Variants in NRG3 observed in about 807,000 individuals in gnomAD.
NRG3 encodes pro-neuregulin-3, membrane-bound isoform.
A neutral mutation model predicts 66.9 loss-of-function variants in NRG3; 31 were observed. That is an observed-to-expected ratio of 0.46 (90% CI 0.35 to 0.63). The LOEUF (loss-of-function observed/expected upper bound fraction) is 0.63, where lower values mean the gene tolerates loss of function less well. Among genes scored for constraint, NRG3 ranks in the 20% least tolerant of loss-of-function variants. NRG3 has a pLI of 0.00. For missense variants in NRG3, 910 were observed against 878.9 expected (o/e 1.04, Z -0.45); for synonymous variants, 393 against 359.4 (o/e 1.09, Z -1.06).
At chr10:82,015,293 T>G (rs1284524667) in intron 1 of NRG3, among the ~76,000 whole-genome samples, 2 of 152,208 alleles carry the variant, frequency 1.3e-5, no homozygotes, top group Non-Finnish European at 2.9e-5. Flanking sequence ...ACATGTAATG[T>G]ATTTGAAGAT....
At chr10:82,574,219 C>A (rs1215863356) in intron 2 of NRG3, among the ~76,000 whole-genome samples, 1 of 151,566 alleles carries the variant, frequency 6.6e-6, no homozygotes, top group Non-Finnish European at 1.5e-5. Flanking sequence ...AAAAAATGAA[C>A]CATATCATTT....
intron 2 of NRG3, among the ~76,000 whole-genome samples, chr10:82,560,161 T>C (rs1680271559): frequency 6.6e-6 from 1 of 151,822 alleles, no homozygotes; most frequent in Non-Finnish European, 1.5e-5. Flanking sequence ...TAAAAATGTG[T>C]TAATATATCA....
At chr10:81,933,107 C>CAAA (rs769607380) in intron 1 of NRG3, among the ~76,000 whole-genome samples, 4 of 59,512 alleles carry the variant, frequency 6.7e-5, no homozygotes, top group Non-Finnish European at 7.7e-5. Flanking sequence ...CGCTCCATCT[C>CAAA]AAAAAAAAAA....
rs898518185 is a variant in NRG3 at position 82,401,178 on chromosome 10, A to G, written c.953+42310A>G. Among the ~76,000 whole-genome samples the G allele has an allele frequency of 2.0e-5, 3 of 152,162 alleles. No individual in the cohort carries two copies. In the East Asian group the frequency reaches 5.8e-4, roughly 29 times the overall value. On this transcript the variant is annotated intron_variant, in intron 2 of 8. Coordinates refer to ENST00000372141, the MANE Select transcript of NRG3 (RefSeq NM_001010848.4). ...CAAAAAGAGGTGTCTGGTAAGCTAAACCTAGAAGACTGAAGAAGATTTTAC... is the reference window on the plus strand; with the variant it reads ...CAAAAAGAGGTGTCTGGTAAGCTAAGCCTAGAAGACTGAAGAAGATTTTAC...
At chr10:82,743,200 T>C (rs1389388518) in intron 3 of NRG3, among the ~76,000 whole-genome samples, 1 of 152,034 alleles carries the variant, frequency 6.6e-6, no homozygotes, top group Non-Finnish European at 1.5e-5. Context: ...TGGCAAGCAG[T>C]GTATACAGCT....
chr10:82,851,860 T>C (rs1342075324), intron 3 of NRG3, among the ~76,000 whole-genome samples: 2 of 152,164 alleles, frequency 1.3e-5, no homozygotes, highest in Admixed American at 1.3e-4. Context: ...TTGGAGAAGA[T>C]GGGCAAGCAA....
intron 1 of NRG3, among the ~76,000 whole-genome samples, chr10:82,352,233 A>C (rs1304669852): frequency 6.6e-6 from 1 of 152,230 alleles, no homozygotes; most frequent in Non-Finnish European, 1.5e-5. Context: ...ATACACAGAT[A>C]TATAACATGT....
chr10:82,291,165 C>T (rs909809894), intron 1 of NRG3, among the ~76,000 whole-genome samples: 1 of 151,936 alleles, frequency 6.6e-6, no homozygotes, highest in East Asian at 1.9e-4. Flanking sequence ...AACACACACA[C>T]ACACACACGC....
chr10:82,467,445 A>G (rs1282480550), intron 2 of NRG3, among the ~76,000 whole-genome samples: 1 of 152,166 alleles, frequency 6.6e-6, no homozygotes, highest in South Asian at 2.1e-4. Flanking sequence ...TAAAAATGGG[A>G]TATGTTTTCC....
intron 1 of NRG3, among the ~76,000 whole-genome samples, chr10:82,136,915 G>C (rs1012054694): frequency 1.3e-5 from 2 of 152,156 alleles, no homozygotes; most frequent in Admixed American, 6.5e-5. Flanking sequence ...TTCATACCAC[G>C]TGGCTGCTGC....
chr10:82,366,801 T>C (rs1035885233), intron 2 of NRG3, among the ~76,000 whole-genome samples: 2 of 152,236 alleles, frequency 1.3e-5, no homozygotes, highest in Non-Finnish European at 2.9e-5. Flanking sequence ...TACTTTTTTC[T>C]TAATTCTTTC....
At chr10:82,256,161 A>T (rs1033670381) in intron 1 of NRG3, among the ~76,000 whole-genome samples, 5 of 152,086 alleles carry the variant, frequency 3.3e-5, no homozygotes, top group African/African-American at 1.2e-4. Context: ...TGACCTCGTG[A>T]TCCACCTGCC....
chr10:82,121,762 G>A (rs548012045), intron 1 of NRG3, among the ~76,000 whole-genome samples: 1 of 152,222 alleles, frequency 6.6e-6, no homozygotes, highest in East Asian at 1.9e-4. Flanking sequence ...TCCCACCTCA[G>A]CCTCCAGAGT....
At chr10:82,393,480 A>T (rs756428824) in intron 2 of NRG3, among the ~76,000 whole-genome samples, 1 of 152,226 alleles carries the variant, frequency 6.6e-6, no homozygotes, top group Non-Finnish European at 1.5e-5. Flanking sequence ...TCCTGGAAAG[A>T]GAACAACAGA....
chr10:82,406,821 G>A lies in NRG3; in HGVS notation c.953+47953G>A, dbSNP rs147898272. On this transcript the variant is annotated intron_variant, in intron 2 of 8. Coordinates refer to ENST00000372141, the MANE Select transcript of NRG3 (RefSeq NM_001010848.4). Reference sequence around the variant, plus strand: ...TCTTTTGTACATTGAGACAGGTACCGTTTTCCTCTATCCAAAGACAAAATT... The same window carrying A: ...TCTTTTGTACATTGAGACAGGTACCATTTTCCTCTATCCAAAGACAAAATT... Among the ~76,000 whole-genome samples, 691 of 152,076 alleles carry A rather than the reference G, an allele frequency of 4.5e-3. 5 individuals carry two copies. Among genetic ancestry groups the A allele is most frequent in the African/African-American group, 0.016 (663 of 41,498 alleles).
Position 82,728,174 on chromosome 10 carries a change from G to A in NRG3, c.954-10403G>A, listed in dbSNP as rs150714449. Among the ~76,000 whole-genome samples the A allele has an allele frequency of 1.1e-3, 163 of 152,268 alleles. 2 individuals are homozygous for A. The East Asian group carries it at 0.025, about 24-fold the overall frequency. On this transcript the variant is annotated intron_variant, in intron 2 of 8. Transcript: ENST00000372141. The stretch of plus-strand genomic sequence containing the variant: ...GACTTTTGAGTTAATGCTGAAATGA[G>A]TTAAGACTTTGGGGGACTGTAGGGA...
At chr10:82,806,223 T>C (rs2061276056) in intron 3 of NRG3, among the ~76,000 whole-genome samples, 1 of 152,212 alleles carries the variant, frequency 6.6e-6, no homozygotes, top group South Asian at 2.1e-4. Context: ...GAGTTCCTCA[T>C]GTGCCTTATT....
intron 3 of NRG3, among the ~76,000 whole-genome samples, chr10:82,766,366 C>A (rs1262575793): frequency 6.6e-6 from 1 of 152,020 alleles, no homozygotes; most frequent in East Asian, 1.9e-4. Flanking sequence ...AAGTGGTCAG[C>A]CTGAACAATA....
At chr10:82,430,370 G>T (rs1298656169) in intron 2 of NRG3, among the ~76,000 whole-genome samples, 2 of 151,868 alleles carry the variant, frequency 1.3e-5, no homozygotes, top group African/African-American at 2.4e-5. Flanking sequence ...CCATTCTCCT[G>T]CCTCAGCCTC....
Sources: gnomAD v4.1 joint callset for allele counts (sites outside exome capture counted in the v4.1 genomes callset) on GRCh38, gnomAD v4.1.1 for gene constraint, MANE v1.5 for transcripts, NCBI Gene and HGNC (gene_info 2026-07-23, HGNC 2026-07-21) for gene names.